Variants in TEX9 observed in about 807,000 individuals in gnomAD.
TEX9 encodes testis-expressed protein 9.
A neutral mutation model predicts 59.6 loss-of-function variants in TEX9; 74 were observed. The ratio of observed to expected loss-of-function variants is 1.24; its 90% CI spans 1.03 to 1.51. The LOEUF is 1.51. Ranked by LOEUF, TEX9 falls within the 40% of genes most tolerant of loss-of-function variation. The probability of loss-of-function intolerance (pLI) is 0.00; values close to 1 mark genes in which losing one functional copy is unlikely to be tolerated. For missense variants in TEX9, 522 were observed against 447.8 expected, an observed-to-expected ratio of 1.17 and a Z score of -1.49; for synonymous variants, 186 against 152.2, an observed-to-expected ratio of 1.22 and a Z score of -1.64.
chr15:56,328,740 G>T (rs1296637201), intron 1 of TEX9, among the ~76,000 whole-genome samples: 1 of 152,078 alleles, frequency 6.6e-6, no homozygotes. Flanking sequence ...GGGTCTCATG[G>T]TTTGAGTGCC....
At chr15:56,328,303 A>T (rs914875095) in intron 1 of TEX9, among the ~76,000 whole-genome samples, 1 of 152,020 alleles carries the variant, frequency 6.6e-6, no homozygotes, top group Non-Finnish European at 1.5e-5. Context: ...CTACTAACAA[A>T]AGAGCCCTTA....
chr15:56,305,966 A>G (rs1414095970), intron 1 of TEX9, among the ~76,000 whole-genome samples: 1 of 152,170 alleles, frequency 6.6e-6, no homozygotes, highest in Non-Finnish European at 1.5e-5. Flanking sequence ...GGCAAAAGGA[A>G]ATGTCAACAG....
intron 10 of TEX9, among the ~76,000 whole-genome samples, chr15:56,412,985 G>GT (rs2049439270): frequency 6.6e-6 from 1 of 151,924 alleles, no homozygotes; most frequent in African/African-American, 2.4e-5. Flanking sequence ...AAGGATCACC[G>GT]TAACTCCAGT....
chr15:56,409,714 C>G (rs551174578), intron 9 of TEX9: 1 of 152,478 alleles, frequency 6.6e-6, no homozygotes, highest in South Asian at 2.1e-4. Flanking sequence ...GTTGCCTAGA[C>G]TGGTCTCGAA....
intron 1 of TEX9, among the ~76,000 whole-genome samples, chr15:56,285,767 T>A (rs2044938469): frequency 1.3e-5 from 2 of 152,214 alleles, no homozygotes; most frequent in Admixed American, 6.5e-5. Context: ...CCCCAAATTC[T>A]TTATAATGAC....
chr15:56,430,613 G>A (rs527959938), intron 12 of TEX9, among the ~76,000 whole-genome samples: 1 of 152,296 alleles, frequency 6.6e-6, no homozygotes, highest in Admixed American at 6.5e-5. Flanking sequence ...TCCTACTGTA[G>A]AGCAGATCTG....
chr15:56,325,020 C>T (rs1367573470), intron 1 of TEX9, among the ~76,000 whole-genome samples: 1 of 152,122 alleles, frequency 6.6e-6, no homozygotes, highest in Non-Finnish European at 1.5e-5. Context: ...TCCAATAGAG[C>T]CTAATAATCA....
intron 1 of TEX9, among the ~76,000 whole-genome samples, chr15:56,251,393 A>C (rs2044012887): frequency 6.6e-6 from 1 of 152,126 alleles, no homozygotes; most frequent in Non-Finnish European, 1.5e-5. Context: ...CTGGCCCCCT[A>C]GTTGGAACAG....
intron 1 of TEX9, chr15:56,249,235 C>G (rs1215326573): frequency 6.6e-6 from 1 of 152,072 alleles, no homozygotes; most frequent in African/African-American, 2.4e-5. Flanking sequence ...CTTTGTGTTA[C>G]TAGGCAGAAA....
intron 1 of TEX9, among the ~76,000 whole-genome samples, chr15:56,252,024 C>A (rs1285505553): frequency 6.6e-6 from 1 of 152,150 alleles, no homozygotes; most frequent in African/African-American, 2.4e-5. Flanking sequence ...GAGAGTCTTA[C>A]ACATAAAGTT....
chr15:56,361,664 G>C (rs1195837121), upstream of TEX9, among the ~76,000 whole-genome samples: 1 of 152,086 alleles, frequency 6.6e-6, no homozygotes, highest in African/African-American at 2.4e-5. Context: ...GGTCTTTACA[G>C]ATGTAATCAC....
chr15:56,380,799 G>T (rs1439033050), intron 3 of TEX9, among the ~76,000 whole-genome samples: 1 of 152,096 alleles, frequency 6.6e-6, no homozygotes, highest in Non-Finnish European at 1.5e-5. Context: ...ATGTATTGGA[G>T]CTTCTTTGTA....
chr15:56,428,614 T>A (rs899972506), intron 12 of TEX9: 10 of 499,350 alleles, frequency 2.0e-5, no homozygotes, highest in Non-Finnish European at 3.2e-5. Flanking sequence ...TTAGCTCTTT[T>A]TGAGTTGTTT....
the TEX9 span, among the ~76,000 whole-genome samples, chr15:56,458,375 G>A: frequency 1.3e-5 from 2 of 152,108 alleles, no homozygotes; most frequent in Non-Finnish European, 1.5e-5. Flanking sequence ...CCCTACACAT[G>A]CTCAGCTTCC....
rs182923376 is a variant in TEX9, at chr15:56,319,212, A to G, written c.-106-54229A>G. ...GACCAACCCCTCTGTGATGGCCACAATAAACCATTTCAAAACGTCTTGACC... is the reference window on the plus strand; with the variant it reads ...GACCAACCCCTCTGTGATGGCCACAGTAAACCATTTCAAAACGTCTTGACC... On this transcript the variant is annotated intron_variant, in intron 1 of 5. Transcript: ENST00000560827. Among the ~76,000 whole-genome samples the G allele has an allele frequency of 3.6e-4, 55 of 152,104 alleles. No individual in the cohort carries two copies. The East Asian group carries it at 9.1e-3, about 25-fold the overall frequency.
intron 1 of TEX9, among the ~76,000 whole-genome samples, chr15:56,269,213 T>G (rs564732898): frequency 6.6e-6 from 1 of 152,210 alleles, no homozygotes; most frequent in South Asian, 2.1e-4. Context: ...TTCTTCTCTC[T>G]TTTCTTCTTT....
intron 1 of TEX9, among the ~76,000 whole-genome samples, chr15:56,320,662 T>C (rs1207921145): frequency 1.3e-5 from 2 of 152,292 alleles, no homozygotes; most frequent in Middle Eastern, 3.4e-3. Context: ...GCTGTGGAGA[T>C]AGGGAGAGTA....
chr15:56,459,838 G>T, the TEX9 span, among the ~76,000 whole-genome samples: 5 of 149,706 alleles, frequency 3.3e-5, no homozygotes, highest in Non-Finnish European at 4.5e-5. Context: ...TAAAAATACA[G>T]AATTAGCTGG....
intron 1 of TEX9, among the ~76,000 whole-genome samples, chr15:56,327,996 C>T (rs542263774): frequency 6.6e-6 from 1 of 152,116 alleles, no homozygotes; most frequent in Non-Finnish European, 1.5e-5. Context: ...ACTACTGAGA[C>T]ACCAGCCAGG....
Sources: allele counts gnomAD v4.1 joint callset (sites outside exome capture counted in the v4.1 genomes callset), GRCh38; gene constraint gnomAD v4.1.1; transcripts MANE v1.5; gene names NCBI Gene and HGNC (gene_info 2026-07-23, HGNC 2026-07-21).